UNC13C: variants seen among roughly 807,000 people sequenced by gnomAD.
UNC13C encodes unc-13 homolog C.
UNC13C carries 174 observed loss-of-function variants against 245.4 expected under a neutral mutation model. The observed-to-expected ratio is 0.71, with a 90% CI of 0.63 to 0.80. UNC13C has a LOEUF of 0.80. Ranked by LOEUF, UNC13C falls within the 30% of genes least tolerant of loss-of-function variation. The probability of loss-of-function intolerance (pLI) is 0.00; values close to 1 mark genes in which losing one functional copy is unlikely to be tolerated. For missense variants in UNC13C, 2,829 were observed against 2,602.9 expected (o/e 1.09, Z -1.89); for synonymous variants, 992 against 895.1 (o/e 1.11, Z -1.93).
intron 30 of UNC13C, among the ~76,000 whole-genome samples, chr15:54,586,522 C>T (rs1322516303): frequency 6.6e-6 from 1 of 152,188 alleles, no homozygotes; most frequent in Non-Finnish European, 1.5e-5. Context: ...CATATTGGAG[C>T]CCCATCCTTG....
chr15:53,915,173 A>T, the UNC13C span, among the ~76,000 whole-genome samples: 2 of 151,724 alleles, frequency 1.3e-5, no homozygotes, highest in African/African-American at 4.9e-5. Flanking sequence ...TGTGGAGCTG[A>T]CTCTGGTCCT....
At chr15:54,236,478 C>T in intron 6 of UNC13C, 43 bp downstream of exon 6, 4 of 1,520,240 alleles carry the variant, frequency 2.6e-6, no homozygotes, top group Non-Finnish European at 3.6e-6. Flanking sequence ...TTGCAGTCTT[C>T]TCAAACATAC....
intron 2 of UNC13C, among the ~76,000 whole-genome samples, chr15:54,067,101 A>G (rs748390394): frequency 6.6e-6 from 1 of 152,182 alleles, no homozygotes; most frequent in East Asian, 1.9e-4. Flanking sequence ...TAAGGCAATA[A>G]TTCTTCCCTA....
the UNC13C span, among the ~76,000 whole-genome samples, chr15:53,954,216 C>A: frequency 1.3e-5 from 2 of 152,176 alleles, no homozygotes; most frequent in African/African-American, 4.8e-5. Flanking sequence ...TGTTTTCCTG[C>A]TGCATTCTTA....
chr15:54,424,188 T>C (rs2040710002), intron 19 of UNC13C, among the ~76,000 whole-genome samples: 1 of 151,756 alleles, frequency 6.6e-6, no homozygotes, highest in Admixed American at 6.6e-5. Flanking sequence ...CATGTAGATA[T>C]GTAGATATAA....
chr15:54,593,744 T>G (rs188314946), intron 30 of UNC13C, among the ~76,000 whole-genome samples: 1 of 152,282 alleles, frequency 6.6e-6, no homozygotes, highest in East Asian at 1.9e-4. Flanking sequence ...TCTTATATCA[T>G]TTTTTGGATT....
the UNC13C span, among the ~76,000 whole-genome samples, chr15:53,917,666 C>A: frequency 6.6e-6 from 1 of 152,194 alleles, no homozygotes; most frequent in Admixed American, 6.5e-5. Flanking sequence ...TCTCTTTCCC[C>A]ACTCCACTCA....
intron 10 of UNC13C, among the ~76,000 whole-genome samples, chr15:54,281,890 G>T: frequency 6.6e-6 from 1 of 152,116 alleles, no homozygotes; most frequent in East Asian, 1.9e-4. Flanking sequence ...TTTTACTGTG[G>T]TATAATATAC....
Position 54,627,025 on chromosome 15 carries a change from G to C in UNC13C, c.6557G>C (p.Arg2186Thr), listed in dbSNP as rs754771964. 3.7e-6 allele frequency: 6 copies of C among 1,613,326 alleles called. No individual in the cohort carries two copies. The South Asian group carries it at 6.6e-5, about 18-fold the overall frequency. ...SMDETGLTIL[R>T]ILSQRTSDDV... The stretch of plus-strand genomic sequence containing the variant: ...GATGAAACTGGTTTGACTATCCTTA[G>C]AATACTCTCTCAGAGGACCAGTGAT... The change falls in exon 33 of 33, where the codon AGA (arginine) becomes ACA (threonine). Residue 2186 changes from arginine to threonine, a missense_variant. Coordinates refer to ENST00000260323, the MANE Select transcript of UNC13C (RefSeq NM_001080534.3).
At position 54,293,960 on chromosome 15, in the gene UNC13C, C is replaced by A; in HGVS notation, c.3884C>A (p.Ser1295Tyr). Residue 1295 changes from serine to tyrosine, a missense_variant, in exon 11 of 33, where the codon TCC (serine) becomes TAC (tyrosine). Transcript: ENST00000260323. ...RVWDEDDDIK[S>Y]RVKQHFKKES... The stretch of plus-strand genomic sequence containing the variant: ...TGGGATGAAGATGATGATATTAAAT[C>A]CAGAGTCAAGCAACATTTCAAAAAG... The A allele has an allele frequency of 6.3e-7, 1 of 1,591,658 alleles. No homozygotes were observed. Among genetic ancestry groups the A allele is most frequent in the Non-Finnish European group, 8.5e-7 (1 of 1,170,000 alleles).
chr15:54,126,373 CAA>C, intron 2 of UNC13C, among the ~76,000 whole-genome samples: 1 of 152,198 alleles, frequency 6.6e-6, no homozygotes, highest in Admixed American at 6.5e-5. Flanking sequence ...AGAAAACTAA[CAA>C]AGAGGCACAT....
intron 13 of UNC13C, among the ~76,000 whole-genome samples, chr15:54,318,143 T>C (rs2061533319): frequency 6.6e-6 from 1 of 152,036 alleles, no homozygotes; most frequent in African/African-American, 2.4e-5. Flanking sequence ...TGATAGATAC[T>C]TAGGTTGATT....
chr15:54,546,954 G>C, intron 27 of UNC13C, 109 bp downstream of exon 27: 1 of 1,017,294 alleles, frequency 9.8e-7, no homozygotes, highest in Admixed American at 3.6e-5. Flanking sequence ...GGGAAAAAGT[G>C]TTTGGTATCC....
intron 2 of UNC13C, among the ~76,000 whole-genome samples, chr15:54,087,743 T>G (rs1899324222): frequency 6.6e-6 from 1 of 152,206 alleles, no homozygotes; most frequent in Non-Finnish European, 1.5e-5. Context: ...TGATTAGCTC[T>G]TGTAACTACG....
chr15:53,916,275 G>A, the UNC13C span, among the ~76,000 whole-genome samples: 6 of 152,186 alleles, frequency 3.9e-5, no homozygotes, highest in Non-Finnish European at 5.9e-5. Flanking sequence ...GGGTCTAGTG[G>A]CAAGATTTTC....
chr15:54,328,049 C>G (rs977570925), intron 14 of UNC13C, among the ~76,000 whole-genome samples: 2 of 152,032 alleles, frequency 1.3e-5, no homozygotes, highest in Non-Finnish European at 2.9e-5. Context: ...AAAGTTTAAC[C>G]AGGCTGAGGG....
At chr15:54,591,092 AT>A (rs1200861574) in intron 30 of UNC13C, among the ~76,000 whole-genome samples, 1 of 152,116 alleles carries the variant, frequency 6.6e-6, no homozygotes, top group Non-Finnish European at 1.5e-5. Flanking sequence ...CATGTATCAC[AT>A]TTTTTGACTT....
chr15:54,293,985 G>A lies in UNC13C; in HGVS notation c.3909G>A (p.Lys1303=). The change falls in exon 11 of 33, where the codon AAG becomes AAA. Residue 1303 remains lysine, a synonymous_variant. Transcript: ENST00000260323. ...IKSRVKQHFK[K]ESDDFLGQTI... Reference sequence around the variant, plus strand: ...CCAGAGTCAAGCAACATTTCAAAAAGGAGTCAGATGATTTTCTGGGACAAA... The same window carrying A: ...CCAGAGTCAAGCAACATTTCAAAAAAGAGTCAGATGATTTTCTGGGACAAA... 1 of 1,597,282 alleles carries A rather than the reference G, an allele frequency of 6.3e-7. No homozygotes were observed. The highest frequency in any genetic ancestry group is 8.5e-7 in the Non-Finnish European group (1 of 1,172,584).
At chr15:53,972,738 A>C in the UNC13C span, 1 of 151,938 alleles carries the variant, frequency 6.6e-6, no homozygotes, top group African/African-American at 2.4e-5. Flanking sequence ...ATATTGAATA[A>C]CTCCTGAATG....
Sources: allele counts gnomAD v4.1 joint callset (sites outside exome capture counted in the v4.1 genomes callset), GRCh38; gene constraint gnomAD v4.1.1; transcripts MANE v1.5; gene names NCBI Gene and HGNC (gene_info 2026-07-23, HGNC 2026-07-21).